WSCD1: variants seen among roughly 807,000 people sequenced by gnomAD.
The protein encoded by WSCD1 is WSC domain sialate O sulfotransferase 1, also known as sialate:O-sulfotransferase 1.
A neutral mutation model predicts 60.4 loss-of-function variants in WSCD1; 41 were observed. That is an observed-to-expected ratio of 0.68 (90% confidence interval 0.53 to 0.88). The LOEUF is 0.88. Among genes scored for constraint, WSCD1 ranks in the 40% least tolerant of loss-of-function variants. WSCD1 has a pLI of 0.00. For missense variants in WSCD1, 784 were observed against 796.2 expected, an observed-to-expected ratio of 0.98 and a Z score of 0.18; for synonymous variants, 361 against 332.5, an observed-to-expected ratio of 1.09 and a Z score of -0.93.
At chr17:6,088,199 C>A in intron 3 of WSCD1, 95 bp downstream of exon 3, 1 of 1,077,382 alleles carries the variant, frequency 9.3e-7, no homozygotes, top group South Asian at 1.4e-5. Context: ...AGTTGGCTGT[C>A]ATAGCATAAT....
intron 2 of WSCD1, among the ~76,000 whole-genome samples, chr17:6,086,561 C>T (rs1169421898): frequency 6.6e-6 from 1 of 151,994 alleles, no homozygotes; most frequent in Non-Finnish European, 1.5e-5. Context: ...ACCATGTTGA[C>T]CAGGCTGGTC....
rs1318028535 is a variant in WSCD1, at chr17:6,110,880, T to C, written c.1119T>C (p.His373=). Residue 373 remains histidine, a synonymous_variant, in exon 7 of 9, where the codon CAT becomes CAC. Transcript: ENST00000317744. The surrounding 1 kb of genome is among the most constrained non-coding windows in gnomAD (Gnocchi z 4.8). ...CATGGGCACGGCACCTCATTGAGCA[T>C]GCCACTGGCTTCTATACAGGGAGCT... ...GNTWARHLIE[H]ATGFYTGSYY... The C allele has an allele frequency of 3.1e-6, 5 of 1,613,924 alleles. No individual in the cohort carries two copies. Among genetic ancestry groups the C allele is most frequent in the Admixed American group, 3.3e-5 (2 of 60,010 alleles).
chr17:6,109,462 TG>T, intron 5 of WSCD1, 144 bp from the exon 6 acceptor site: 1 of 1,176,218 alleles, frequency 8.5e-7, no homozygotes, highest in Non-Finnish European at 1.2e-6. Flanking sequence ...CAGAGCACAG[TG>T]GTGGAAGGAT....
rs1489187469 is a variant in WSCD1, at chr17:6,101,891, G to GGTGCTCCGAAA, written c.849+6670_849+6680dup. 6.6e-5 allele frequency among the ~76,000 whole-genome samples: 10 copies of GGTGCTCCGAAA among 152,188 alleles called. No individual in the cohort carries two copies. Among genetic ancestry groups the GGTGCTCCGAAA allele is most frequent in the African/African-American group, 2.4e-4 (10 of 41,446 alleles). On this transcript the variant is annotated intron_variant, in intron 5 of 8. Coordinates refer to ENST00000317744, the MANE Select transcript of WSCD1 (RefSeq NM_015253.2). The surrounding 1 kb of genome is among the most constrained non-coding windows in gnomAD (Gnocchi z 4.1). ...CTCAAGTAGATAGGCCATTTGTGGGGGTGCTCCGAAAGGAGGCTGATGAGC... is the reference window on the plus strand; with the variant it reads ...CTCAAGTAGATAGGCCATTTGTGGGGGTGCTCCGAAAGTGCTCCGAAAGGAGGCTGATGAGC...
intron 5 of WSCD1, among the ~76,000 whole-genome samples, chr17:6,098,248 A>G (rs1172853248): frequency 6.6e-6 from 1 of 152,150 alleles, no homozygotes; most frequent in East Asian, 1.9e-4. Flanking sequence ...CTGGGATTAC[A>G]AGCATGAGCC....
intron 2 of WSCD1, among the ~76,000 whole-genome samples, chr17:6,082,290 C>T (rs537555563): frequency 1.3e-5 from 2 of 152,134 alleles, no homozygotes; most frequent in Admixed American, 6.5e-5. Context: ...CTAGTGGGGG[C>T]GCGGGAAGTG....
chr17:6,105,817 T>C (rs1199801788), intron 5 of WSCD1, among the ~76,000 whole-genome samples: 1 of 152,036 alleles, frequency 6.6e-6, no homozygotes, highest in Non-Finnish European at 1.5e-5. Flanking sequence ...TGCTGGTGGA[T>C]TTTTTTTCCT....
chr17:6,106,512 A>G (rs1352369015), intron 5 of WSCD1, among the ~76,000 whole-genome samples: 3 of 152,248 alleles, frequency 2.0e-5, no homozygotes, highest in African/African-American at 4.8e-5. Flanking sequence ...CACAAAAAAC[A>G]TGTGCTGGGT....
intron 2 of WSCD1, among the ~76,000 whole-genome samples, chr17:6,087,777 A>G (rs577752606): frequency 6.6e-6 from 1 of 152,358 alleles, no homozygotes; most frequent in South Asian, 2.1e-4. Flanking sequence ...GGGCCATTAA[A>G]AAAGAGAAAA....
At chr17:6,091,143 C>G (rs1475039279) in intron 4 of WSCD1, among the ~76,000 whole-genome samples, 1 of 152,214 alleles carries the variant, frequency 6.6e-6, no homozygotes, top group East Asian at 1.9e-4. Flanking sequence ...ATCTGCCTGT[C>G]TCGGCCTCCC....
intron 2 of WSCD1, among the ~76,000 whole-genome samples, chr17:6,082,135 G>A (rs529764058): frequency 1.3e-3 from 192 of 152,220 alleles, no homozygotes; most frequent in Non-Finnish European, 2.1e-3. Flanking sequence ...TTATTATATC[G>A]CAGTTTTACA....
chr17:6,087,945 A>G (rs200133888), intron 2 of WSCD1, 45 bp from the exon 3 acceptor site: 104 of 1,523,842 alleles, frequency 6.8e-5, no homozygotes, highest in Non-Finnish European at 9.1e-5. Context: ...GGGTGGGCCC[A>G]TGATTCCTGG....
At chr17:6,085,039 C>A (rs1254798586) in intron 2 of WSCD1, 1 of 152,182 alleles carries the variant, frequency 6.6e-6, no homozygotes, top group Non-Finnish European at 1.5e-5. Flanking sequence ...TCCAGAAGAA[C>A]CAGAGCCTGA....
In WSCD1 at chr17:6,107,874, C is replaced by T. The variant is rs1030880237; in HGVS notation, c.850-1733C>T. Among the ~76,000 whole-genome samples, 15 of 152,288 alleles carry T rather than the reference C, an allele frequency of 9.8e-5. No homozygotes were observed. In the East Asian group the frequency reaches 1.7e-3, roughly 18 times the overall value. Reference sequence around the variant, plus strand: ...AGATTGAGGGTCAGGCCCCAGCTCTCGCTTTCCATAGAAGAGTGGTGTAGG... The same window carrying T: ...AGATTGAGGGTCAGGCCCCAGCTCTTGCTTTCCATAGAAGAGTGGTGTAGG... On this transcript the variant is annotated intron_variant, in intron 5 of 8. Coordinates refer to ENST00000317744, the MANE Select transcript of WSCD1 (RefSeq NM_015253.2).
At chr17:6,070,120 G>A (rs1459140987), upstream of WSCD1, among the ~76,000 whole-genome samples, 1 of 149,602 alleles carries the variant, frequency 6.7e-6, no homozygotes, top group Non-Finnish European at 1.5e-5. Context: ...GAGCCCGTGG[G>A]GCCCCGGTGA....
chr17:6,093,992 T>C (rs1910223410), intron 4 of WSCD1, among the ~76,000 whole-genome samples: 1 of 152,190 alleles, frequency 6.6e-6, no homozygotes, highest in Non-Finnish European at 1.5e-5. Context: ...TTGGTCCTAC[T>C]TGGCAGATTC....
Position 6,118,213 on chromosome 17 carries a change from G to A in WSCD1, c.1375+25G>A, listed in dbSNP as rs1420561791. The A allele has an allele frequency of 1.9e-6, 3 of 1,611,328 alleles. No individual in the cohort carries two copies. The South Asian group carries it at 3.3e-5, about 18-fold the overall frequency. On this transcript the variant is annotated intron_variant, in intron 8 of 8. Transcript: ENST00000317744. The surrounding 1 kb of genome is among the most constrained non-coding windows in gnomAD (Gnocchi z 5.8). The stretch of plus-strand genomic sequence containing the variant: ...GGTAATCAAGGACCTTGCGGTGGGG[G>A]TGGGAGGCTTGTCAGTACAGGTAGG...
At chr17:6,081,188 C>A in intron 2 of WSCD1, 103 bp downstream of exon 2, 1 of 1,307,748 alleles carries the variant, frequency 7.6e-7, no homozygotes, top group Non-Finnish European at 1.0e-6. Context: ...GCCTTCACCG[C>A]TAGATGGTTC....
intron 1 of WSCD1, among the ~76,000 whole-genome samples, chr17:6,079,667 C>T (rs4506958): frequency 0.97 from 147,446 of 152,284 alleles, 71,571 homozygotes; most frequent in East Asian, 1. Context: ...TGAAAGCCAA[C>T]GACCAGCCTG....
Sources: gnomAD v4.1 joint callset for allele counts (sites outside exome capture counted in the v4.1 genomes callset) on GRCh38, gnomAD v4.1.1 for gene constraint, Gnocchi (gnomAD v3.1) non-coding constraint, MANE v1.5 for transcripts, NCBI Gene and HGNC (gene_info 2026-07-23, HGNC 2026-07-21) for gene names.